Variants in KCNIP1 observed in about 807,000 individuals in gnomAD.
KCNIP1 encodes the protein potassium voltage-gated channel interacting protein 1.
Under a neutral mutation model 33.0 loss-of-function variants are expected in KCNIP1, and 18 were observed. That is an observed-to-expected ratio of 0.55 (90% CI 0.38 to 0.81). The LOEUF is 0.81. Among genes scored for constraint, KCNIP1 ranks in the 30% least tolerant of loss-of-function variants. The pLI is 0.00. For missense variants in KCNIP1, 238 were observed against 271.6 expected (o/e 0.88, Z 0.87); for synonymous variants, 93 against 98.3 (o/e 0.95, Z 0.32).
intron 1 of KCNIP1, among the ~76,000 whole-genome samples, chr5:170,491,339 G>A (rs1757202481): frequency 6.6e-6 from 1 of 152,138 alleles, no homozygotes; most frequent in Admixed American, 6.5e-5. Flanking sequence ...GTGAAAACAA[G>A]GTTACCTAGT....
chr5:170,583,902 A>G (rs1258883433), intron 1 of KCNIP1, among the ~76,000 whole-genome samples: 1 of 152,184 alleles, frequency 6.6e-6, no homozygotes, highest in Non-Finnish European at 1.5e-5. Context: ...TTCATGTGAT[A>G]CTTTGATACC....
chr5:170,680,853 A>G, intron 1 of KCNIP1: 1 of 382,028 alleles, frequency 2.6e-6, no homozygotes, highest in Admixed American at 4.5e-5. Context: ...ATAAAAGCAA[A>G]TATTACTATG....
At chr5:170,636,145 C>T (rs761527379) in intron 1 of KCNIP1, among the ~76,000 whole-genome samples, 25 of 152,106 alleles carry the variant, frequency 1.6e-4, no homozygotes, top group Admixed American at 2.6e-4. Flanking sequence ...GACAGTGAAG[C>T]GGAAATGTCA....
chr5:170,508,456 G>T (rs1405344390), intron 1 of KCNIP1, among the ~76,000 whole-genome samples: 1 of 152,222 alleles, frequency 6.6e-6, no homozygotes, highest in Non-Finnish European at 1.5e-5. Context: ...GGGTTTATTG[G>T]TCAGGGCAGC....
chr5:170,501,879 G>A (rs1757420205), upstream of KCNIP1, among the ~76,000 whole-genome samples: 1 of 152,180 alleles, frequency 6.6e-6, no homozygotes, highest in African/African-American at 2.4e-5. Flanking sequence ...CTCGAACAGA[G>A]AAGGCAGGAG....
chr5:170,586,136 A>G (rs769158619), intron 1 of KCNIP1, among the ~76,000 whole-genome samples: 4 of 152,280 alleles, frequency 2.6e-5, no homozygotes, highest in African/African-American at 9.6e-5. Flanking sequence ...ATTCAATGTG[A>G]TTATGAGTGT....
intron 1 of KCNIP1, among the ~76,000 whole-genome samples, chr5:170,443,681 G>T (rs772024626): frequency 6.6e-6 from 1 of 152,302 alleles, no homozygotes; most frequent in South Asian, 2.1e-4. Context: ...AACATGTCTA[G>T]ACTGACAATG....
At chr5:170,729,809 G>GAATATGTAT (rs1764134584) in intron 5 of KCNIP1, among the ~76,000 whole-genome samples, 1 of 152,020 alleles carries the variant, frequency 6.6e-6, no homozygotes, top group Admixed American at 6.5e-5. Flanking sequence ...GGTATTTGAG[G>GAATATGTAT]AATATGTATC....
intron 1 of KCNIP1, among the ~76,000 whole-genome samples, chr5:170,531,734 C>T (rs1353570887): frequency 1.3e-5 from 2 of 152,196 alleles, no homozygotes; most frequent in Admixed American, 6.5e-5. Flanking sequence ...TGTAACTCAG[C>T]CCAGGGAGTG....
At chr5:170,393,758 G>A (rs894359383) in intron 1 of KCNIP1, among the ~76,000 whole-genome samples, 4 of 151,868 alleles carry the variant, frequency 2.6e-5, no homozygotes, top group African/African-American at 9.7e-5. Flanking sequence ...GCTGTGTAGG[G>A]TGATACTCAC....
At chr5:170,716,565 A>G (rs1041642968) in intron 1 of KCNIP1, among the ~76,000 whole-genome samples, 1 of 152,236 alleles carries the variant, frequency 6.6e-6, no homozygotes, top group Non-Finnish European at 1.5e-5. Context: ...CTTGGCAGTC[A>G]GTATCCAAAT....
intron 1 of KCNIP1, among the ~76,000 whole-genome samples, chr5:170,510,121 G>A (rs1754877653): frequency 6.6e-6 from 1 of 152,124 alleles, no homozygotes. Context: ...TATCTTTCAA[G>A]GCCTCATTCA....
At chr5:170,365,000 A>T (rs1458122118) in intron 1 of KCNIP1, among the ~76,000 whole-genome samples, 1 of 152,184 alleles carries the variant, frequency 6.6e-6, no homozygotes, top group Non-Finnish European at 1.5e-5. Context: ...CATTCTCCAT[A>T]GCTGAAACTC....
chr5:170,632,015 G>C (rs908445836), intron 1 of KCNIP1, among the ~76,000 whole-genome samples: 2 of 152,174 alleles, frequency 1.3e-5, no homozygotes, highest in Admixed American at 1.3e-4. Context: ...CCACAGACAG[G>C]GGGAGCTAAA....
intron 1 of KCNIP1, among the ~76,000 whole-genome samples, chr5:170,587,057 A>G (rs1370532786): frequency 6.6e-6 from 1 of 152,214 alleles, no homozygotes; most frequent in Non-Finnish European, 1.5e-5. Flanking sequence ...ACAATGTGGG[A>G]TGGACCGGGC....
chr5:170,719,814 A>T (rs10078519), intron 2 of KCNIP1, among the ~76,000 whole-genome samples: 20,818 of 152,200 alleles, frequency 0.14, 1,828 homozygotes, highest in African/African-American at 0.25. Flanking sequence ...CGATGGCAGC[A>T]TTAGCAGTGG....
chr5:170,640,371 G>A (rs1394893625), intron 1 of KCNIP1, among the ~76,000 whole-genome samples: 2 of 152,198 alleles, frequency 1.3e-5, no homozygotes, highest in Non-Finnish European at 2.9e-5. Flanking sequence ...AAAGACATCA[G>A]CAGGGCCTGC....
chr5:170,725,319 A>C (rs1471644103), intron 5 of KCNIP1, among the ~76,000 whole-genome samples: 1 of 152,228 alleles, frequency 6.6e-6, no homozygotes, highest in Non-Finnish European at 1.5e-5. Context: ...TCTGGTACTT[A>C]TACACAATGG....
intron 1 of KCNIP1, among the ~76,000 whole-genome samples, chr5:170,593,192 A>G (rs79007521): frequency 0.011 from 1,642 of 152,326 alleles, 28 homozygotes; most frequent in African/African-American, 0.037. Context: ...CGCGAGAATA[A>G]TGTGGTCAGG....
Sources: allele counts gnomAD v4.1 joint callset (sites outside exome capture counted in the v4.1 genomes callset), GRCh38; gene constraint gnomAD v4.1.1; transcripts MANE v1.5; gene names NCBI Gene and HGNC (gene_info 2026-07-23, HGNC 2026-07-21).